Variants in C5 observed in about 807,000 individuals in gnomAD.
C5 encodes C3 and PZP-like alpha-2-macroglobulin domain-containing protein 4.
Under a neutral mutation model 218.8 loss-of-function variants are expected in C5, and 140 were observed. The observed-to-expected ratio is 0.64, with a 90% CI of 0.56 to 0.74. The LOEUF is 0.74. Among genes scored for constraint, C5 ranks in the 30% least tolerant of loss-of-function variants. The pLI is 0.00. For missense variants in C5, 1,700 were observed against 1,969.6 expected, an observed-to-expected ratio of 0.86 and a Z score of 2.59; for synonymous variants, 614 against 682.3, an observed-to-expected ratio of 0.90 and a Z score of 1.56.
At chr9:121,073,255 A>T in the C5 span, among the ~76,000 whole-genome samples, 2 of 152,204 alleles carry the variant, frequency 1.3e-5, no homozygotes, top group Admixed American at 1.3e-4. Flanking sequence ...GAATTACTTA[A>T]CATTCAGCAC....
At chr9:121,033,577 T>G (rs770017083) in intron 5 of C5, among the ~76,000 whole-genome samples, 10 of 152,252 alleles carry the variant, frequency 6.6e-5, no homozygotes, top group Non-Finnish European at 1.0e-4. Flanking sequence ...ATGGGGCAAG[T>G]GGCACAAGAT....
At chr9:121,009,142 AAGG>A (rs1285701488) in intron 17 of C5, among the ~76,000 whole-genome samples, 1 of 152,208 alleles carries the variant, frequency 6.6e-6, no homozygotes, top group Non-Finnish European at 1.5e-5. Context: ...TATTAGAAAA[AAGG>A]AGGCTTTATA....
At chr9:121,043,529 C>A (rs574509110) in intron 2 of C5, among the ~76,000 whole-genome samples, 1 of 151,944 alleles carries the variant, frequency 6.6e-6, no homozygotes, top group East Asian at 1.9e-4. Context: ...TTCTCTGGAC[C>A]CTTAGCTTTT....
intron 38 of C5, among the ~76,000 whole-genome samples, chr9:120,959,984 T>C (rs1003442486): frequency 6.6e-6 from 1 of 152,194 alleles, no homozygotes; most frequent in Non-Finnish European, 1.5e-5. Flanking sequence ...TTTTAGTGCC[T>C]GTAATTGAAA....
At chr9:121,016,492 A>C in intron 14 of C5, 109 bp from the exon 15 acceptor site, 1 of 1,389,116 alleles carries the variant, frequency 7.2e-7, no homozygotes. Flanking sequence ...TGAAATACAC[A>C]GATGATATTT....
At position 120,980,514 on chromosome 9, in the gene C5, T is replaced by C. The variant is rs369853251; in HGVS notation, c.3487-260A>G. 2.5e-4 allele frequency among the ~76,000 whole-genome samples: 38 copies of C among 152,338 alleles called. No homozygotes were observed. In the East Asian group the frequency reaches 5.8e-3, roughly 23 times the overall value. ...AATTCTCACTTTCCTTTTAGAGGTT[T>C]TGTGCCTTTAGTTTCTGAGTACACC... On this transcript the variant is annotated intron_variant, in intron 27 of 40. Transcript: ENST00000223642.
intron 36 of C5, 93 bp downstream of exon 36, chr9:120,962,578 A>G (rs940666529): frequency 1.1e-6 from 1 of 935,440 alleles, no homozygotes; most frequent in African/African-American, 1.6e-5. Context: ...GAGAGGCAAT[A>G]CATAAAATTT....
intron 38 of C5, 21 bp from the exon 39 acceptor site, chr9:120,957,389 A>C (rs1409732079): frequency 5.1e-6 from 8 of 1,577,720 alleles, no homozygotes; most frequent in Middle Eastern, 1.7e-4. Flanking sequence ...ACAAACAACA[A>C]TGAAACAATT....
intron 3 of C5, among the ~76,000 whole-genome samples, chr9:121,039,609 C>G (rs1248890012): frequency 2.6e-5 from 4 of 152,076 alleles, no homozygotes; most frequent in African/African-American, 9.6e-5. Flanking sequence ...TGCCCTCCAG[C>G]CTGGGTGACA....
intron 22 of C5, among the ~76,000 whole-genome samples, chr9:120,995,595 TTTC>T (rs2047110065): frequency 2.0e-5 from 3 of 152,136 alleles, no homozygotes; most frequent in Admixed American, 2.0e-4. Flanking sequence ...TAAATGACTT[TTTC>T]TTAGGTGTTC....
At chr9:120,954,001 G>GT in intron 39 of C5, 133 bp from the exon 40 acceptor site, 2 of 888,970 alleles carry the variant, frequency 2.2e-6, no homozygotes, top group Middle Eastern at 2.2e-4. Flanking sequence ...TATCCATGTG[G>GT]TTAAGGCTTC....
intron 26 of C5, among the ~76,000 whole-genome samples, 167 bp from the exon 27 acceptor site, chr9:120,982,106 G>C (rs931309038): frequency 6.6e-6 from 1 of 152,154 alleles, no homozygotes; most frequent in Non-Finnish European, 1.5e-5. Flanking sequence ...CCGCCTCCCG[G>C]GTTCAAGCCA....
At chr9:121,000,686 C>T (rs1048425691) in intron 20 of C5, among the ~76,000 whole-genome samples, 1 of 152,058 alleles carries the variant, frequency 6.6e-6, no homozygotes, top group African/African-American at 2.4e-5. Context: ...TTTAGAAAAA[C>T]ATTTTATTTT....
intron 3 of C5, among the ~76,000 whole-genome samples, chr9:121,041,555 G>A (rs1250066248): frequency 2.0e-5 from 3 of 151,874 alleles, no homozygotes; most frequent in Admixed American, 2.0e-4. Context: ...CCCCCACCTC[G>A]GACTCCCAAA....
Position 120,963,638 on chromosome 9 carries a change from C to G in C5, c.4321G>C (p.Ala1441Pro). ...GISANEEDLKALVEGVDQLFT... is the reference protein window; with the variant it reads ...GISANEEDLKPLVEGVDQLFT... ...ACGATTTAAAAGAAAACACATACGG[C>G]TTTTAAGTCTTCTTCATTTGCACTG... Residue 1441 changes from alanine to proline, a missense_variant and splice_region_variant, in exon 34 of 41, where the codon GCC (alanine) becomes CCC (proline). By Grantham distance (27) the Ala-to-Pro change is conservative. Transcript: ENST00000223642. The G allele has an allele frequency of 6.2e-7, 1 of 1,605,426 alleles. No homozygotes were observed. Among genetic ancestry groups the G allele is most frequent in the South Asian group, 1.1e-5 (1 of 90,876 alleles).
intron 3 of C5, among the ~76,000 whole-genome samples, chr9:121,038,434 T>C (rs538526010): frequency 6.6e-6 from 1 of 152,320 alleles, no homozygotes; most frequent in African/African-American, 2.4e-5. Context: ...GGCTCCAAAT[T>C]AGCTCTTATT....
In C5 at chr9:121,005,987, A is replaced by C; in HGVS notation, c.2494T>G (p.Ser832Ala). ...TGGATCTGTTCTCCTCGTACAACAG[A>C]ATATGGTATATTCATTTCCAGGAAG... is the stretch of plus-strand genomic sequence containing the variant. ...DVFLEMNIPYSVVRGEQIQLK... is the reference protein window; with the variant it reads ...DVFLEMNIPYAVVRGEQIQLK... The change falls in exon 20 of 41, where the codon TCT (serine) becomes GCT (alanine). Residue 832 changes from serine to alanine, a missense_variant. Physicochemically the swap from Ser to Ala is moderately conservative, Grantham distance 99 (BLOSUM62 1). Coordinates refer to ENST00000223642, the MANE Select transcript of C5 (RefSeq NM_001735.3). 1 of 1,613,716 alleles carries C rather than the reference A, an allele frequency of 6.2e-7. No individual in the cohort carries two copies. Among genetic ancestry groups the C allele is most frequent in the Non-Finnish European group, 8.5e-7 (1 of 1,179,726 alleles).
chr9:121,043,912 A>G (rs1482649018), intron 2 of C5, among the ~76,000 whole-genome samples: 2 of 151,916 alleles, frequency 1.3e-5, no homozygotes, highest in South Asian at 2.1e-4. Flanking sequence ...TGAGATGCTC[A>G]TTTTCCAATT....
chr9:121,069,034 A>G, the C5 span, among the ~76,000 whole-genome samples: 3 of 152,244 alleles, frequency 2.0e-5, no homozygotes, highest in African/African-American at 7.2e-5. Context: ...TAAGACAGAA[A>G]CTATAAAACT....
Sources: allele counts gnomAD v4.1 joint callset (sites outside exome capture counted in the v4.1 genomes callset), GRCh38; gene constraint gnomAD v4.1.1; transcripts MANE v1.5; gene names NCBI Gene and HGNC (gene_info 2026-07-23, HGNC 2026-07-21).